PGM1: variants seen among roughly 807,000 people sequenced by gnomAD.
PGM1 encodes phosphoglucomutase 1.
Under a neutral mutation model 55.6 loss-of-function variants are expected in PGM1, and 52 were observed. The ratio of observed to expected loss-of-function variants is 0.94; its 90% CI spans 0.75 to 1.18. The LOEUF is 1.18. Ranked by LOEUF, PGM1 falls within the 50% of genes most tolerant of loss-of-function variation. The pLI, the probability that PGM1 is intolerant of heterozygous loss-of-function variation, is 0.00. For synonymous variants in PGM1, 287 were observed against 271.7 expected (o/e 1.06, Z -0.55); for missense variants, 724 against 729.3 (o/e 0.99, Z 0.08).
intron 1 of PGM1, chr1:63,623,623 G>T (rs1279926648): frequency 6.2e-7 from 1 of 1,612,754 alleles, no homozygotes; most frequent in African/African-American, 1.3e-5. Flanking sequence ...ATGCTATCTG[G>T]AGAATTTCAT....
chr1:63,642,648 AG>A (rs1649547836), intron 7 of PGM1, among the ~76,000 whole-genome samples: 2 of 152,120 alleles, frequency 1.3e-5, no homozygotes, highest in Admixed American at 6.5e-5. Context: ...ATGGGAAACC[AG>A]GTTGATGATG....
chr1:63,650,049 C>T (rs904671511), intron 8 of PGM1, among the ~76,000 whole-genome samples: 1 of 152,146 alleles, frequency 6.6e-6, no homozygotes, highest in African/African-American at 2.4e-5. Flanking sequence ...TAGTCACAAT[C>T]CTCCATATAA....
chr1:63,660,119 A>T lies in PGM1; in HGVS notation c.*444A>T. On this transcript the variant is annotated 3_prime_UTR_variant, in exon 11 of 11. Coordinates refer to ENST00000371084, the MANE Select transcript of PGM1 (RefSeq NM_002633.3). ...TGTAACCCAACAAAATGCAATTTCTAGTGCCTTCTGTCCAATCAGTTCTTT... is the reference window on the plus strand; with the variant it reads ...TGTAACCCAACAAAATGCAATTTCTTGTGCCTTCTGTCCAATCAGTTCTTT... 1 of 229,294 alleles carries T rather than the reference A, an allele frequency of 4.4e-6. No individual in the cohort carries two copies. The highest frequency in any genetic ancestry group is 6.5e-5 in the South Asian group (1 of 15,372). The allele number at this position is 229,294 out of a possible 1,614,324, so 14.2% of individuals were successfully genotyped here.
intron 1 of PGM1, chr1:63,600,160 T>G (rs527938624): frequency 6.6e-6 from 1 of 152,354 alleles, no homozygotes; most frequent in African/African-American, 2.4e-5. Flanking sequence ...TAGGCAGGAC[T>G]CTTTTTTAGA....
rs11377805 is a variant in PGM1 at position 63,613,259 on chromosome 1, CT to C, written c.247-16144del. Reference sequence around the variant, plus strand: ...TCTGCTGCAAAAGGAGTTGGCTTATCTTTTTTTTTTTTTTTTTTTTTTAAGC... The same window carrying C: ...TCTGCTGCAAAAGGAGTTGGCTTATCTTTTTTTTTTTTTTTTTTTTTAAGC... On this transcript the variant is annotated intron_variant, in intron 1 of 10. Coordinates refer to ENST00000371084, the MANE Select transcript of PGM1 (RefSeq NM_002633.3). Among the ~76,000 whole-genome samples, 114 of 107,818 alleles carry C rather than the reference CT, an allele frequency of 1.1e-3. 1 individual carries two copies. Among genetic ancestry groups the C allele is most frequent in the African/African-American group, 4.1e-3 (103 of 24,974 alleles). The allele number at this position is 107,818 out of a possible 152,430, so 70.7% of individuals were successfully genotyped here.
In PGM1 at chr1:63,613,259, C is replaced by CTTTTT. The variant is rs11377805; in HGVS notation, c.247-16148_247-16144dup. 1.4e-3 allele frequency among the ~76,000 whole-genome samples: 155 copies of CTTTTT among 107,810 alleles called. 3 individuals are homozygous for CTTTTT. The highest frequency in any genetic ancestry group is 4.4e-3 in the African/African-American group (109 of 24,974). 70.7% of individuals were successfully genotyped at this position (107,810 alleles called of 152,430 possible). A position where few individuals can be genotyped will look rare whatever the true frequency, so the allele number is the denominator to read the frequency against. ...TCTGCTGCAAAAGGAGTTGGCTTATCTTTTTTTTTTTTTTTTTTTTTTAAG... is the reference window on the plus strand; with the variant it reads ...TCTGCTGCAAAAGGAGTTGGCTTATCTTTTTTTTTTTTTTTTTTTTTTTTTTTAAG... On this transcript the variant is annotated intron_variant, in intron 1 of 10. Coordinates refer to ENST00000371084, the MANE Select transcript of PGM1 (RefSeq NM_002633.3).
chr1:63,594,643 G>C lies in PGM1; in HGVS notation c.246+909G>C, dbSNP rs374096232. Among the ~76,000 whole-genome samples the C allele has an allele frequency of 1.2e-4, 18 of 151,832 alleles. 2 individuals carry two copies. In the South Asian group the frequency reaches 3.7e-3, roughly 32 times the overall value. On this transcript the variant is annotated intron_variant, in intron 1 of 10. Coordinates refer to ENST00000371084, the MANE Select transcript of PGM1 (RefSeq NM_002633.3). ...AAAAAAAAAGTTTTTCAGTAAATCT[G>C]ATATATGGAAATGTGGGGCCGGGCA... is the stretch of plus-strand genomic sequence containing the variant.
In PGM1 at chr1:63,629,512, A is replaced by G. The variant is rs907622209; in HGVS notation, c.334A>G (p.Ile112Val). 3 of 1,613,708 alleles carry G rather than the reference A, an allele frequency of 1.9e-6. No homozygotes were observed. The highest frequency in any genetic ancestry group is 2.7e-5 in the African/African-American group (2 of 74,874). Residue 112 changes from isoleucine (I) to valine (V), a missense_variant, in exon 2 of 11, where the codon ATC becomes GTC. Coordinates refer to ENST00000371084, the MANE Select transcript of PGM1 (RefSeq NM_002633.3). ...TAGAAAAATCAAAGCCATTGGTGGG[A>G]TCATTCTGACAGCCAGTCACAACCC... ...IIRKIKAIGG[I>V]ILTASHNPGG... is the part of the protein sequence containing the mutation.
chr1:63,654,797 G>A (rs1417194910), intron 10 of PGM1, among the ~76,000 whole-genome samples: 3 of 151,830 alleles, frequency 2.0e-5, no homozygotes, highest in East Asian at 3.9e-4. Context: ...AATTTTCTGA[G>A]CATTTATGGT....
At chr1:63,603,159 A>G (rs551806451) in intron 1 of PGM1, among the ~76,000 whole-genome samples, 1 of 152,162 alleles carries the variant, frequency 6.6e-6, no homozygotes, top group South Asian at 2.1e-4. Context: ...CATGTTTTCT[A>G]TTTTACAAGT....
intron 1 of PGM1, 150 bp downstream of exon 1, chr1:63,593,884 C>G: frequency 7.8e-7 from 1 of 1,275,494 alleles, no homozygotes; most frequent in Non-Finnish European, 9.8e-7. Flanking sequence ...CGCGCTCGCT[C>G]TTCTGGCCTG....
chr1:63,650,480 GCTGACTTTAAGA>G (rs1649779497), intron 8 of PGM1, among the ~76,000 whole-genome samples: 2 of 152,204 alleles, frequency 1.3e-5, no homozygotes, highest in South Asian at 2.1e-4. Flanking sequence ...AGGGGAAAGA[GCTGACTTTAAGA>G]TTAAGGGGAC....
At chr1:63,628,394 G>T (rs577979792) in intron 1 of PGM1, among the ~76,000 whole-genome samples, 74 of 152,280 alleles carry the variant, frequency 4.9e-4, no homozygotes, top group African/African-American at 1.7e-3. Context: ...TAGTGGAGTG[G>T]TTGACGGTTT....
chr1:63,656,571 G>GTTGT (rs1553122807), intron 10 of PGM1, among the ~76,000 whole-genome samples: 1 of 144,240 alleles, frequency 6.9e-6, no homozygotes, highest in Non-Finnish European at 1.5e-5. Flanking sequence ...AAGACATTGT[G>GTTGT]GTGTGTGTGT....
At chr1:63,646,658 G>C (rs935008218) in intron 7 of PGM1, among the ~76,000 whole-genome samples, 1 of 152,062 alleles carries the variant, frequency 6.6e-6, no homozygotes. Flanking sequence ...GTGGAATCCC[G>C]TTTCCCTTTT....
chr1:63,650,352 C>T lies in PGM1; in HGVS notation c.1281-1317C>T, dbSNP rs571041305. Among the ~76,000 whole-genome samples the T allele has an allele frequency of 2.0e-5, 3 of 152,350 alleles. No individual in the cohort carries two copies. In the South Asian group the frequency reaches 6.2e-4, roughly 32 times the overall value. ...TCTGTCTGATTGCAAAACCCAGACTCTTCTATTCCACCCCTCTGTGCCTAG... is the reference window on the plus strand; with the variant it reads ...TCTGTCTGATTGCAAAACCCAGACTTTTCTATTCCACCCCTCTGTGCCTAG... On this transcript the variant is annotated intron_variant, in intron 8 of 10. Transcript: ENST00000371084.
chr1:63,606,693 A>G (rs1648428516), intron 1 of PGM1, among the ~76,000 whole-genome samples: 1 of 152,224 alleles, frequency 6.6e-6, no homozygotes, highest in Non-Finnish European at 1.5e-5. Context: ...GTCATCTGTC[A>G]AGCTAAACAT....
chr1:63,596,755 A>G (rs1358360971), intron 1 of PGM1, among the ~76,000 whole-genome samples: 1 of 152,176 alleles, frequency 6.6e-6, no homozygotes, highest in Non-Finnish European at 1.5e-5. Context: ...ATTCTAGAAT[A>G]TATATATTAA....
rs541716262 is a variant in PGM1 at position 63,638,485 on chromosome 1, C to T, written c.1029-200C>T. On this transcript the variant is annotated intron_variant, in intron 6 of 10. Transcript: ENST00000371084. The stretch of plus-strand genomic sequence containing the variant: ...GATCTGAATTAATTCTTTCTTCTTC[C>T]GCCTTCTCTGAATCCACATATAATA... Among the ~76,000 whole-genome samples, 167 of 152,116 alleles carry T rather than the reference C, an allele frequency of 1.1e-3. No individual in the cohort carries two copies. Among genetic ancestry groups the T allele is most frequent in the African/African-American group, 2.5e-3 (103 of 41,540 alleles).
Sources: allele counts gnomAD v4.1 joint callset (sites outside exome capture counted in the v4.1 genomes callset), GRCh38; gene constraint gnomAD v4.1.1; transcripts MANE v1.5; gene names NCBI Gene and HGNC (gene_info 2026-07-23, HGNC 2026-07-21).